The following SPATA21 variants were observed in gnomAD, a reference collection of about 807,000 sequenced individuals.
SPATA21 encodes the protein spermatogenesis-associated protein 21.
In SPATA21, 47 loss-of-function variants were observed where a neutral mutation model predicts 54.8. The observed-to-expected ratio is 0.86, with a 90% CI of 0.68 to 1.09. The LOEUF is 1.09. SPATA21 is among the 50% of genes least tolerant of loss of function. SPATA21 has a pLI of 0.00. For missense variants in SPATA21, 599 were observed against 596.4 expected (o/e 1.00, Z -0.05); for synonymous variants, 245 against 235.3 (o/e 1.04, Z -0.38).
chr1:16,427,940 G>T (rs750755127), intron 3 of SPATA21: 1 of 1,550,298 alleles, frequency 6.5e-7, no homozygotes, highest in South Asian at 1.2e-5. Flanking sequence ...CTGAGTCTGG[G>T]CCCCTTCTCT....
chr1:16,431,290 T>C (rs1397334392), intron 3 of SPATA21, 48 bp downstream of exon 3: 1 of 1,614,136 alleles, frequency 6.2e-7, no homozygotes. Context: ...CTCTTTATGG[T>C]GATCCTCAGG....
chr1:16,421,681 C>T lies in SPATA21; in HGVS notation c.96-124G>A, dbSNP rs1227387534. 6 of 1,162,658 alleles carry T rather than the reference C, an allele frequency of 5.2e-6. No homozygotes were observed. The highest frequency in any genetic ancestry group is 2.4e-6 in the Non-Finnish European group (2 of 816,334). 72.0% of individuals were successfully genotyped at this position (1,162,658 alleles called of 1,614,324 possible). A position where few individuals can be genotyped will look rare whatever the true frequency, so the allele number is the denominator to read the frequency against. ...AGCCTCATCCCCTTGGCCTTCTCAT[C>T]TCAGGGGGCTCCTTATGTCCCCACA... On this transcript the variant is annotated intron_variant, in intron 4 of 12. Transcript: ENST00000335496. The surrounding 1 kb of genome is among the most constrained non-coding windows in gnomAD (Gnocchi z 5.2).
At position 16,428,127 on chromosome 1, in the gene SPATA21, T is replaced by A; in HGVS notation, c.34+3211A>T. 2 of 1,346,910 alleles carry A rather than the reference T, an allele frequency of 1.5e-6. No homozygotes were observed. Among genetic ancestry groups the A allele is most frequent in the Non-Finnish European group, 2.0e-6 (2 of 1,011,180 alleles). The allele number at this position is 1,346,910 out of a possible 1,614,324, so 83.4% of individuals were successfully genotyped here. A position where few individuals can be genotyped will look rare whatever the true frequency, so the allele number is the denominator to read the frequency against. Reference sequence around the variant, plus strand: ...TCTTCTGGCCTCAAGGACAGGGAGATCCTGTGCCTGATTGGGGAAGCTGTT... The same window carrying A: ...TCTTCTGGCCTCAAGGACAGGGAGAACCTGTGCCTGATTGGGGAAGCTGTT... On this transcript the variant is annotated intron_variant, in intron 3 of 12. Transcript: ENST00000335496. This position sits in a 1 kb window ranked among gnomAD's most constrained non-coding sequence, Gnocchi z 4.3.
At chr1:16,415,709 G>A (rs555874504) in intron 5 of SPATA21, among the ~76,000 whole-genome samples, 138 of 152,058 alleles carry the variant, frequency 9.1e-4, no homozygotes, top group Non-Finnish European at 1.6e-3. Context: ...ACAGGCGCCC[G>A]CCACCATGCC....
intron 5 of SPATA21, among the ~76,000 whole-genome samples, chr1:16,411,789 C>CAAA (rs1170429146): frequency 5.7e-5 from 2 of 35,154 alleles, no homozygotes; most frequent in Non-Finnish European, 1.2e-4. Context: ...GACTCTGTCT[C>CAAA]AAAAAAAAAA....
intron 11 of SPATA21, 34 bp from the exon 12 acceptor site, chr1:16,399,555 C>T (rs1482557557): frequency 1.3e-6 from 2 of 1,598,838 alleles, no homozygotes; most frequent in Admixed American, 3.4e-5. Context: ...AGGAATGCTT[C>T]ACAGCATGCC....
chr1:16,416,363 T>C (rs1276427628), intron 5 of SPATA21, among the ~76,000 whole-genome samples: 1 of 152,148 alleles, frequency 6.6e-6, no homozygotes, highest in Non-Finnish European at 1.5e-5. Flanking sequence ...CACTTGTAGT[T>C]CTGAAGATTA....
intron 3 of SPATA21, among the ~76,000 whole-genome samples, chr1:16,430,142 A>G (rs1172499645): frequency 7.1e-6 from 1 of 140,936 alleles, no homozygotes; most frequent in African/African-American, 2.6e-5. Context: ...AAAAAAAAAG[A>G]AGATGCCGGA....
chr1:16,403,729 T>A lies in SPATA21; in HGVS notation c.999A>T (p.Thr333=), dbSNP rs946246787. 1 of 1,613,150 alleles carries A rather than the reference T, an allele frequency of 6.2e-7. No homozygotes were observed. The highest frequency in any genetic ancestry group is 8.5e-7 in the Non-Finnish European group (1 of 1,179,196). ...CCCCAACAACCGGCCCCACTCACTT[T>A]GTGATTTCCTCTAAGACTGCCTCTG... The part of the protein sequence containing the change: ...ALPEAVLEEI[T]NYYQKKLKEG... The change falls in exon 10 of 13, where the codon ACA becomes ACT. Residue 333 remains threonine, a splice_region_variant and synonymous_variant. Transcript: ENST00000335496.
In SPATA21 at chr1:16,421,415, C is replaced by T. The variant is rs1043413664; in HGVS notation, c.144+94G>A. 25 of 1,267,762 alleles carry T rather than the reference C, an allele frequency of 2.0e-5. No homozygotes were observed. In the Middle Eastern group the frequency reaches 1.1e-3, roughly 58 times the overall value. 78.5% of individuals were successfully genotyped at this position (1,267,762 alleles called of 1,614,324 possible). Reference sequence around the variant, plus strand: ...GGTTTGACTCCAAATAGGGGTTTGACGTGCCACATCCGCTTCTGCCCTCTT... The same window carrying T: ...GGTTTGACTCCAAATAGGGGTTTGATGTGCCACATCCGCTTCTGCCCTCTT... On this transcript the variant is annotated intron_variant, in intron 5 of 12. Coordinates refer to ENST00000335496, the MANE Select transcript of SPATA21 (RefSeq NM_198546.1). The surrounding 1 kb of genome is among the most constrained non-coding windows in gnomAD (Gnocchi z 5.2).
intron 3 of SPATA21, among the ~76,000 whole-genome samples, chr1:16,426,455 C>T (rs901198834): frequency 5.8e-4 from 85 of 146,008 alleles, no homozygotes; most frequent in African/African-American, 1.9e-3. Flanking sequence ...GATGGGGTTT[C>T]ACCATGTTGT....
Position 16,421,783 on chromosome 1 carries a change from G to C in SPATA21, c.95+128C>G. 1 of 1,412,222 alleles carries C rather than the reference G, an allele frequency of 7.1e-7. No homozygotes were observed. Among genetic ancestry groups the C allele is most frequent in the African/African-American group, 1.4e-5 (1 of 71,090 alleles). 87.5% of individuals were successfully genotyped at this position (1,412,222 alleles called of 1,614,324 possible). ...ACACAGATGGGGAAATTGAGACCCA[G>C]CGGAGCATGACTTGCCCAAGGTCCT... On this transcript the variant is annotated intron_variant, in intron 4 of 12. Transcript: ENST00000335496. The surrounding 1 kb of genome is among the most constrained non-coding windows in gnomAD (Gnocchi z 5.2).
intron 8 of SPATA21, 74 bp from the exon 9 acceptor site, chr1:16,404,113 A>G: frequency 7.8e-7 from 1 of 1,278,942 alleles, no homozygotes; most frequent in Non-Finnish European, 1.1e-6. Flanking sequence ...AGGCGTGGTT[A>G]TTAGAAGTCA....
Position 16,409,819 on chromosome 1 carries a change from T to C in SPATA21, c.369A>G (p.Ser123=), listed in dbSNP as rs866385057. The C allele has an allele frequency of 1.6e-5, 26 of 1,598,214 alleles. 2 individuals are homozygous for C. The Middle Eastern group carries it at 4.3e-3, about 262-fold the overall frequency. ...SPRTLTPVPT[S]APSLPQTPAS... ...CAGGGGTCTGAGGCAGGCTTGGAGC[T>C]GAGGTGGGCACCGGGGTCAGGGTCC... The change falls in exon 6 of 13, where the codon TCA becomes TCG. Residue 123 remains serine, a synonymous_variant. Coordinates refer to ENST00000335496, the MANE Select transcript of SPATA21 (RefSeq NM_198546.1). The surrounding 1 kb of genome is among the most constrained non-coding windows in gnomAD (Gnocchi z 4.1).
At chr1:16,427,805 C>A (rs967996063) in intron 3 of SPATA21, 2 of 1,496,944 alleles carry the variant, frequency 1.3e-6, no homozygotes, top group South Asian at 2.5e-5. Flanking sequence ...CTCTCCCCCG[C>A]GGGTGGGCTA....
At chr1:16,397,859 C>T (rs1471565592), downstream of SPATA21, 2 of 348,994 alleles carry the variant, frequency 5.7e-6, no homozygotes, top group Non-Finnish European at 8.1e-6. The surrounding 1 kb of genome is among the most constrained non-coding windows in gnomAD (Gnocchi z 5.4). Context: ...CTGGGGGTGC[C>T]CTGCTCAGGG....
intron 7 of SPATA21, among the ~76,000 whole-genome samples, chr1:16,406,646 G>A (rs1436329981): frequency 6.6e-6 from 1 of 152,182 alleles, no homozygotes; most frequent in African/African-American, 2.4e-5. Context: ...GGAGGCTGAG[G>A]TGGAAGGATT....
intron 3 of SPATA21, 98 bp downstream of exon 3, chr1:16,431,240 T>C (rs182322140): frequency 6.2e-7 from 1 of 1,609,578 alleles, no homozygotes; most frequent in Non-Finnish European, 8.5e-7. Flanking sequence ...TGCAGGTCCC[T>C]ACCTTGCTGA....
At position 16,398,775 on chromosome 1, in the gene SPATA21, C is replaced by G. The variant is rs74992327; in HGVS notation, c.1400G>C (p.Arg467Pro). Residue 467 changes from arginine (R) to proline (P), a missense_variant, in exon 13 of 13, where the codon CGA becomes CCA. By Grantham distance (103) the Arg-to-Pro change is moderately radical. Transcript: ENST00000335496. ...SRKWLSSVPA[R>P]TH Reference sequence around the variant, plus strand: ...CAGGCCTCCAGAGGGTCAGTGGGTTCGAGCTGGCACAGAGCTGAGCCACTT... The same window carrying G: ...CAGGCCTCCAGAGGGTCAGTGGGTTGGAGCTGGCACAGAGCTGAGCCACTT... 2 of 1,613,712 alleles carry G rather than the reference C, an allele frequency of 1.2e-6. No homozygotes were observed. The highest frequency in any genetic ancestry group is 1.7e-6 in the Non-Finnish European group (2 of 1,179,802).
Sources: gnomAD v4.1 joint callset for allele counts (sites outside exome capture counted in the v4.1 genomes callset) on GRCh38, gnomAD v4.1.1 for gene constraint, Gnocchi (gnomAD v3.1) non-coding constraint, MANE v1.5 for transcripts, NCBI Gene and HGNC (gene_info 2026-07-23, HGNC 2026-07-21) for gene names.